RGS6: variants seen among roughly 807,000 people sequenced by gnomAD.
RGS6 encodes the protein regulator of G protein signaling 6, also known as regulator of G-protein signaling 6.
RGS6 carries 30 observed loss-of-function variants against 78.5 expected under a neutral mutation model. That is an observed-to-expected ratio of 0.38 (90% CI 0.29 to 0.52). The LOEUF (loss-of-function observed/expected upper bound fraction) is 0.52, where lower values mean the gene tolerates loss of function less well. RGS6 is among the 20% of genes least tolerant of loss of function. The pLI, the probability that RGS6 is intolerant of heterozygous loss-of-function variation, is 0.85. For missense variants in RGS6, 495 were observed against 609.7 expected (o/e 0.81, Z 1.98); for synonymous variants, 206 against 206.0 (o/e 1.00, Z 0.00).
chr14:72,104,211 G>A (rs548082431), intron 2 of RGS6, among the ~76,000 whole-genome samples: 2 of 152,200 alleles, frequency 1.3e-5, no homozygotes, highest in South Asian at 4.2e-4. Context: ...CCCCCTCTAG[G>A]TGGCGCTGTC....
At chr14:72,441,371 C>T (rs1003615338) in intron 3 of RGS6, among the ~76,000 whole-genome samples, 4 of 152,316 alleles carry the variant, frequency 2.6e-5, no homozygotes, top group Non-Finnish European at 5.9e-5. Flanking sequence ...GTTTTCTCAC[C>T]AGTCCTGCAA....
chr14:72,578,043 G>A, the RGS6 span, among the ~76,000 whole-genome samples: 2 of 152,204 alleles, frequency 1.3e-5, no homozygotes. Context: ...AGCCCTTAGA[G>A]TAAGTGGCTG....
the RGS6 span, among the ~76,000 whole-genome samples, chr14:72,613,069 T>A: frequency 2.0e-5 from 3 of 151,804 alleles, no homozygotes; most frequent in Non-Finnish European, 4.4e-5. Flanking sequence ...CACATGGGCA[T>A]TCCTGTTCTC....
chr14:72,140,123 T>TAA (rs2096517627), intron 2 of RGS6, among the ~76,000 whole-genome samples: 1 of 152,200 alleles, frequency 6.6e-6, no homozygotes, highest in Admixed American at 6.5e-5. Flanking sequence ...ATCTCCATGC[T>TAA]ATGATGCTCC....
chr14:72,133,395 G>C (rs145190237), intron 2 of RGS6, among the ~76,000 whole-genome samples: 1 of 151,822 alleles, frequency 6.6e-6, no homozygotes, highest in Non-Finnish European at 1.5e-5. Context: ...TTCCCTTTGC[G>C]ATACACAGGA....
chr14:72,435,979 AAGT>A (rs764992393), intron 3 of RGS6, among the ~76,000 whole-genome samples: 12 of 152,140 alleles, frequency 7.9e-5, no homozygotes, highest in Non-Finnish European at 1.6e-4. Flanking sequence ...TGTCATGTAT[AAGT>A]AGAGTAAGTA....
At chr14:72,085,788 A>G (rs1162891520) in intron 2 of RGS6, among the ~76,000 whole-genome samples, 1 of 132,390 alleles carries the variant, frequency 7.6e-6, no homozygotes, top group Non-Finnish European at 1.5e-5. Context: ...CAGGAGGCGG[A>G]GGCTGCAGTG....
chr14:72,092,846 C>T (rs1042147148), intron 2 of RGS6, among the ~76,000 whole-genome samples: 3 of 152,176 alleles, frequency 2.0e-5, no homozygotes, highest in Non-Finnish European at 4.4e-5. Context: ...AATGAACAAA[C>T]CAATGTTGAT....
intron 15 of RGS6, among the ~76,000 whole-genome samples, chr14:72,524,556 G>A (rs1434380547): frequency 6.6e-6 from 1 of 152,182 alleles, no homozygotes; most frequent in Non-Finnish European, 1.5e-5. Context: ...AAATCTCAGA[G>A]TACCAAGGAT....
At chr14:72,288,264 G>T (rs918994458) in intron 2 of RGS6, among the ~76,000 whole-genome samples, 1 of 152,112 alleles carries the variant, frequency 6.6e-6, no homozygotes, top group Non-Finnish European at 1.5e-5. Context: ...TCCCTCAAAA[G>T]GTACTAGAAA....
intron 2 of RGS6, among the ~76,000 whole-genome samples, chr14:72,205,038 C>G (rs1023751011): frequency 2.6e-5 from 4 of 152,168 alleles, no homozygotes; most frequent in African/African-American, 9.7e-5. Flanking sequence ...ACAGCATGAG[C>G]AGATAGAGGG....
the RGS6 span, among the ~76,000 whole-genome samples, chr14:72,576,780 C>T: frequency 6.6e-6 from 1 of 152,156 alleles, no homozygotes; most frequent in Non-Finnish European, 1.5e-5. Flanking sequence ...TGCTTCTAAC[C>T]TGCTGCCCAC....
At chr14:72,385,021 A>T (rs1450720436) in intron 3 of RGS6, among the ~76,000 whole-genome samples, 1 of 152,106 alleles carries the variant, frequency 6.6e-6, no homozygotes, top group African/African-American at 2.4e-5. Context: ...AAGTGCTGGG[A>T]TTACAGGCGT....
At chr14:72,304,671 G>A (rs566055562) in intron 2 of RGS6, among the ~76,000 whole-genome samples, 2 of 152,252 alleles carry the variant, frequency 1.3e-5, no homozygotes, top group Non-Finnish European at 2.9e-5. Context: ...CTGAGGTCAG[G>A]AGTTCGAGAC....
rs2084267478 is a variant in RGS6, at chr14:72,374,695, G to C, written c.184+22501G>C. 3.3e-5 allele frequency among the ~76,000 whole-genome samples: 5 copies of C among 152,254 alleles called. No individual in the cohort carries two copies. The South Asian group carries it at 1.0e-3, about 32-fold the overall frequency. On this transcript the variant is annotated intron_variant, in intron 3 of 17. Coordinates refer to ENST00000553525, the MANE Select transcript of RGS6 (RefSeq NM_001204424.2). ...CAACATAAGGATAAGTCAGCAAAGA[G>C]CACAAATGGCAGAATCCAACACATA...
At chr14:72,593,945 A>G in the RGS6 span, among the ~76,000 whole-genome samples, 5 of 53,974 alleles carry the variant, frequency 9.3e-5, no homozygotes, top group East Asian at 2.4e-3. Flanking sequence ...ACTGAGGGTC[A>G]TCAGAGGGGT....
At chr14:72,412,414 C>A (rs936481903) in intron 3 of RGS6, among the ~76,000 whole-genome samples, 28 of 151,730 alleles carry the variant, frequency 1.8e-4, no homozygotes, top group Non-Finnish European at 1.0e-4. Context: ...GTGGTGATAT[C>A]CCCTTTGTCA....
At chr14:72,197,073 T>C (rs1021188668) in intron 2 of RGS6, among the ~76,000 whole-genome samples, 2 of 152,204 alleles carry the variant, frequency 1.3e-5, no homozygotes, top group African/African-American at 4.8e-5. Context: ...TTCTTTCTTT[T>C]TGTTTCTTTT....
chr14:72,266,994 TTTTGTTTGTTTG>T (rs3055057), intron 2 of RGS6, among the ~76,000 whole-genome samples: 2 of 151,380 alleles, frequency 1.3e-5, no homozygotes, highest in Admixed American at 6.6e-5. Context: ...GATTGTCATA[TTTTGTTTGTTTG>T]TTTGTTTGTT....
Sources: gnomAD v4.1 joint callset for allele counts (sites outside exome capture counted in the v4.1 genomes callset) on GRCh38, gnomAD v4.1.1 for gene constraint, MANE v1.5 for transcripts, NCBI Gene and HGNC (gene_info 2026-07-23, HGNC 2026-07-21) for gene names.